POLA1: variants seen among roughly 807,000 people sequenced by gnomAD.
The protein encoded by POLA1 is DNA polymerase alpha 1, catalytic subunit.
In POLA1, 15 loss-of-function variants were observed where a neutral mutation model predicts 124.0. The ratio of observed to expected loss-of-function variants is 0.12; its 90% CI spans 0.08 to 0.19. The LOEUF (loss-of-function observed/expected upper bound fraction) is 0.19. Ranked by LOEUF, POLA1 falls within the 10% of genes least tolerant of loss-of-function variation. The pLI is 1.00. For synonymous variants in POLA1, 408 were observed against 389.4 expected, an observed-to-expected ratio of 1.05 and a Z score of -0.56; for missense variants, 886 against 1,103.4, an observed-to-expected ratio of 0.80 and a Z score of 2.79.
intron 36 of POLA1, among the ~76,000 whole-genome samples, chrX:24,944,450 G>A (rs1309902991): frequency 9.0e-6 from 1 of 111,366 alleles, no homozygotes; most frequent in Non-Finnish European, 1.9e-5. Flanking sequence ...ACTTTTGTGT[G>A]TTGATCTTTG....
intron 34 of POLA1, among the ~76,000 whole-genome samples, chrX:24,851,056 C>T (rs987889718): frequency 1.3e-4 from 15 of 112,077 alleles, no homozygotes; most frequent in African/African-American, 4.9e-4. Flanking sequence ...TTCCTCTTGG[C>T]CCTCCCTTCA....
rs959637597 is a variant in POLA1 at position 24,812,774 on chromosome X, G to A, written c.3207G>A (p.Thr1069=). 1.7e-5 allele frequency: 21 copies of A among 1,204,748 alleles called. No individual in the cohort carries two copies. The highest frequency in any genetic ancestry group is 2.3e-4 in the Middle Eastern group (1 of 4,338). The stretch of plus-strand genomic sequence containing the variant: ...ACGCTGCTCTGGTTGTTGAGCCAAC[G>A]TCGGATGGGAATTATGTCACCAAAC... ...KKYAALVVEP[T]SDGNYVTKQE... The change falls in exon 29 of 37, where the codon ACG becomes ACA. Residue 1069 remains threonine (T), a synonymous_variant. Coordinates refer to ENST00000379068, the MANE Select transcript of POLA1 (RefSeq NM_001330360.2).
chrX:24,784,626 G>A (rs183602959), intron 26 of POLA1, among the ~76,000 whole-genome samples: 1,974 of 110,408 alleles, frequency 0.018, 30 homozygotes, highest in Non-Finnish European at 0.028. Flanking sequence ...AGAGGCTGCA[G>A]TGAGCCAAGA....
chrX:24,878,656 T>A (rs189669843), intron 34 of POLA1, among the ~76,000 whole-genome samples: 1 of 110,249 alleles, frequency 9.1e-6, no homozygotes, highest in African/African-American at 3.3e-5. Context: ...ATACTACTAA[T>A]ACATACCCTG....
chrX:24,818,118 A>G (rs771903194), intron 30 of POLA1, among the ~76,000 whole-genome samples: 22 of 110,215 alleles, frequency 2.0e-4, no homozygotes, highest in Non-Finnish European at 3.0e-4. Context: ...TAGCTTAAAT[A>G]TATTTCACAA....
chrX:24,760,721 A>T (rs890922549), intron 26 of POLA1, among the ~76,000 whole-genome samples: 2 of 112,137 alleles, frequency 1.8e-5, no homozygotes, highest in African/African-American at 6.5e-5. Context: ...AATTTGCCAG[A>T]TCATAAATAC....
At chrX:24,893,177 G>A (rs954762413) in intron 35 of POLA1, among the ~76,000 whole-genome samples, 1 of 111,617 alleles carries the variant, frequency 9.0e-6, no homozygotes, top group Admixed American at 9.5e-5. Flanking sequence ...AAGGCAGTAA[G>A]CATGAGTCCG....
intron 26 of POLA1, among the ~76,000 whole-genome samples, chrX:24,753,106 G>A: frequency 9.2e-6 from 1 of 109,201 alleles, no homozygotes; most frequent in Non-Finnish European, 1.9e-5. Flanking sequence ...CCGCCTCCCG[G>A]GTTCACGCCA....
intron 30 of POLA1, among the ~76,000 whole-genome samples, chrX:24,818,414 C>T (rs1039988162): frequency 8.1e-5 from 9 of 111,502 alleles, no homozygotes; most frequent in African/African-American, 2.3e-4. Flanking sequence ...CAAAACTTCA[C>T]GTATTCCAAG....
Position 24,812,773 on chromosome X carries a change from C to T in POLA1, c.3206C>T (p.Thr1069Met), listed in dbSNP as rs773963015. The change falls in exon 29 of 37, where the codon ACG (threonine) becomes ATG (methionine). Residue 1069 changes from threonine (T) to methionine (M), a missense_variant. Transcript: ENST00000379068. ...TACGCTGCTCTGGTTGTTGAGCCAA[C>T]GTCGGATGGGAATTATGTCACCAAA... Reference protein sequence around the residue: ...KKYAALVVEPTSDGNYVTKQE... With the variant: ...KKYAALVVEPMSDGNYVTKQE... The T allele has an allele frequency of 3.3e-6, 4 of 1,203,221 alleles. No homozygotes were observed. The highest frequency in any genetic ancestry group is 5.9e-5 in the East Asian group (2 of 33,767).
At chrX:24,977,938 G>A (rs2048383317) in intron 36 of POLA1, among the ~76,000 whole-genome samples, 1 of 111,162 alleles carries the variant, frequency 9.0e-6, no homozygotes, top group African/African-American at 3.3e-5. Context: ...ACTTTGAACC[G>A]GTCTTCACTC....
At chrX:24,780,102 T>A (rs2045228625) in intron 26 of POLA1, among the ~76,000 whole-genome samples, 1 of 112,167 alleles carries the variant, frequency 8.9e-6, no homozygotes, top group Non-Finnish European at 1.9e-5. Flanking sequence ...GTTAGTATTT[T>A]ATTGAGGATT....
At chrX:24,704,796 C>G (rs952612214) in intron 4 of POLA1, among the ~76,000 whole-genome samples, 2 of 111,887 alleles carry the variant, frequency 1.8e-5, no homozygotes, top group African/African-American at 6.5e-5. Flanking sequence ...TTTTTAATTC[C>G]TACTGAAGTT....
At chrX:24,783,780 C>T (rs1052726921) in intron 26 of POLA1, among the ~76,000 whole-genome samples, 18 of 111,103 alleles carry the variant, frequency 1.6e-4, no homozygotes, top group Middle Eastern at 4.6e-3. Flanking sequence ...GATTTTGCAC[C>T]GTCCAGTATG....
intron 36 of POLA1, among the ~76,000 whole-genome samples, chrX:24,978,855 G>T (rs1459162003): frequency 5.4e-5 from 6 of 111,896 alleles, no homozygotes; most frequent in Admixed American, 3.8e-4. Flanking sequence ...TTAATGGATC[G>T]GTTGTCATAA....
chrX:24,848,727 A>G (rs2046508468), intron 34 of POLA1, among the ~76,000 whole-genome samples: 1 of 112,255 alleles, frequency 8.9e-6, no homozygotes, highest in Non-Finnish European at 1.9e-5. Context: ...CAATACTTGA[A>G]AAAGGGTAAT....
chrX:24,713,663 C>T (rs1337838108), intron 4 of POLA1, among the ~76,000 whole-genome samples: 2 of 111,955 alleles, frequency 1.8e-5, no homozygotes, highest in East Asian at 5.6e-4. Flanking sequence ...GATCCGCCCG[C>T]CTCGGTCTTT....
At chrX:24,806,703 A>G (rs764812451) in intron 26 of POLA1, among the ~76,000 whole-genome samples, 9 of 112,084 alleles carry the variant, frequency 8.0e-5, no homozygotes, top group African/African-American at 2.9e-4. Context: ...GAAACATAAC[A>G]ACCTTTGACC....
At chrX:24,750,358 G>A (rs926785374) in intron 26 of POLA1, among the ~76,000 whole-genome samples, 2 of 112,989 alleles carry the variant, frequency 1.8e-5, no homozygotes, top group Non-Finnish European at 3.7e-5. Context: ...TGGCCAGTGA[G>A]CACTTGGTAT....
Sources: gnomAD v4.1 joint callset for allele counts (sites outside exome capture counted in the v4.1 genomes callset) on GRCh38, gnomAD v4.1.1 for gene constraint, MANE v1.5 for transcripts, NCBI Gene and HGNC (gene_info 2026-07-23, HGNC 2026-07-21) for gene names.